The following DLC1 variants were observed in gnomAD, a reference collection of about 807,000 sequenced individuals.
DLC1 encodes the protein rho GTPase-activating protein 7.
Under a neutral mutation model 140.3 loss-of-function variants are expected in DLC1, and 54 were observed. The ratio of observed to expected loss-of-function variants is 0.38; its 90% CI spans 0.31 to 0.48. The LOEUF (loss-of-function observed/expected upper bound fraction) is 0.48, where lower values mean the gene tolerates loss of function less well. Among genes scored for constraint, DLC1 ranks in the 20% least tolerant of loss-of-function variants. The pLI, the probability that DLC1 is intolerant of heterozygous loss-of-function variation, is 0.96. For synonymous variants in DLC1, 986 were observed against 728.1 expected (o/e 1.35, Z -5.70); for missense variants, 2,536 against 1,907.0 (o/e 1.33, Z -6.14).
intron 5 of DLC1, among the ~76,000 whole-genome samples, chr8:13,228,159 C>A (rs1828880037): frequency 6.6e-6 from 1 of 152,044 alleles, no homozygotes; most frequent in East Asian, 1.9e-4. Flanking sequence ...GCTTTACTAA[C>A]TAAGCTCTTG....
rs191347157 is a variant in DLC1, at chr8:13,555,744, C to A, written c.-126+48793G>T. On this transcript the variant is annotated intron_variant, in intron 1 of 1. Transcript: ENST00000631382. ...CTCAAACTCCTGGCCTCAAGTGATC[C>A]TCTCCGCTTGGCCTCCCAAAGTGCT... Among the ~76,000 whole-genome samples, 23 of 152,030 alleles carry A rather than the reference C, an allele frequency of 1.5e-4. No homozygotes were observed. In the East Asian group the frequency reaches 4.5e-3, roughly 29 times the overall value.
intron 4 of DLC1, among the ~76,000 whole-genome samples, chr8:13,387,084 A>G (rs1003518235): frequency 6.6e-6 from 1 of 152,068 alleles, no homozygotes; most frequent in Non-Finnish European, 1.5e-5. Context: ...GAAGTTGTCT[A>G]AACTTCCCTT....
chr8:13,423,771 T>C (rs889928460), intron 2 of DLC1, among the ~76,000 whole-genome samples: 13 of 152,134 alleles, frequency 8.5e-5, no homozygotes, highest in East Asian at 5.8e-4. Context: ...TTTTAACAGA[T>C]CCTGTCACCA....
In DLC1 at chr8:13,085,592, TGC is replaced by T; in HGVS notation, c.*217_*218del. ...TACACATAAATTTTTTTTTTTTTTT[TGC>T]ACAGTCTTACATATTCCAGTCAAGG... On this transcript the variant is annotated 3_prime_UTR_variant, in exon 18 of 18. Transcript: ENST00000276297. The T allele has an allele frequency of 4.4e-6, 2 of 452,366 alleles. No individual in the cohort carries two copies. Among genetic ancestry groups the T allele is most frequent in the Non-Finnish European group, 3.5e-6 (1 of 285,576 alleles). The allele number at this position is 452,366 out of a possible 1,614,324, so 28.0% of individuals were successfully genotyped here.
chr8:13,185,283 G>GTTTTTTT (rs113333274), intron 5 of DLC1, among the ~76,000 whole-genome samples: 8 of 130,832 alleles, frequency 6.1e-5, no homozygotes, highest in African/African-American at 1.7e-4. Context: ...TGTCTTTTCT[G>GTTTTTTT]TTTTTTTTGT....
chr8:13,553,228 G>GTATATATATATATATATATATATGTA (rs1803926388), intron 1 of DLC1, among the ~76,000 whole-genome samples: 2 of 47,478 alleles, frequency 4.2e-5, no homozygotes, highest in Non-Finnish European at 8.6e-5. Context: ...ATATATATAT[G>GTATATATATATATATATATATATGTA]TATATATATA....
chr8:13,461,457 G>A (rs1563367628), intron 2 of DLC1, among the ~76,000 whole-genome samples: 1 of 152,132 alleles, frequency 6.6e-6, no homozygotes, highest in South Asian at 2.1e-4. Context: ...TCCTTGCCCT[G>A]CCAAGGGCAG....
chr8:13,264,616 C>T (rs755823685), intron 5 of DLC1, among the ~76,000 whole-genome samples: 3 of 151,970 alleles, frequency 2.0e-5, no homozygotes, highest in Non-Finnish European at 4.4e-5. Flanking sequence ...GGAAATATGA[C>T]CCAGGAGGGG....
In DLC1 at chr8:13,090,324, T is replaced by C; in HGVS notation, c.4002A>G (p.Lys1334=). 3 of 1,614,204 alleles carry C rather than the reference T, an allele frequency of 1.9e-6. No individual in the cohort carries two copies. The highest frequency in any genetic ancestry group is 1.1e-5 in the South Asian group (1 of 91,088). Residue 1334 remains lysine, a synonymous_variant, in exon 15 of 18, where the codon AAA becomes AAG. Coordinates refer to ENST00000276297, the MANE Select transcript of DLC1 (RefSeq NM_182643.3). ...AGCCTTTAAACTTCTCTTTGACTTC[T>C]TTAAACAGGCCATCCACACAGTCCT... The part of the protein sequence containing the change: ...FLQDCVDGLF[K]EVKEKFKGWV...
chr8:13,402,960 T>A (rs1481117203), intron 2 of DLC1, among the ~76,000 whole-genome samples: 1 of 152,176 alleles, frequency 6.6e-6, no homozygotes, highest in Non-Finnish European at 1.5e-5. Context: ...GTCGGATAAT[T>A]GGTTAATCAG....
At chr8:13,524,477 TA>T (rs993794565) in intron 1 of DLC1, among the ~76,000 whole-genome samples, 13 of 152,162 alleles carry the variant, frequency 8.5e-5, no homozygotes, top group African/African-American at 3.1e-4. Flanking sequence ...CTATGTATTT[TA>T]AAATTTGTAC....
At chr8:13,244,977 A>T (rs953686135) in intron 5 of DLC1, among the ~76,000 whole-genome samples, 1 of 152,198 alleles carries the variant, frequency 6.6e-6, no homozygotes, top group Non-Finnish European at 1.5e-5. Context: ...ATTCTTTGAC[A>T]TAACTTCCTT....
At chr8:13,337,277 A>G (rs542400949) in intron 4 of DLC1, among the ~76,000 whole-genome samples, 1 of 152,282 alleles carries the variant, frequency 6.6e-6, no homozygotes, top group South Asian at 2.1e-4. Context: ...TTTCTGAGTT[A>G]GTAAAGATAT....
intron 4 of DLC1, among the ~76,000 whole-genome samples, chr8:13,356,775 A>T (rs946309339): frequency 1.3e-5 from 2 of 152,152 alleles, no homozygotes; most frequent in African/African-American, 4.8e-5. Context: ...AATAACAGGA[A>T]TTGGGGTCTC....
intron 1 of DLC1, among the ~76,000 whole-genome samples, chr8:13,534,649 C>T (rs568007264): frequency 6.6e-6 from 1 of 152,234 alleles, no homozygotes; most frequent in East Asian, 1.9e-4. Context: ...TCCTGCTGAC[C>T]AGGCACTGAA....
intron 4 of DLC1, among the ~76,000 whole-genome samples, chr8:13,344,434 A>C (rs1586172822): frequency 6.6e-6 from 1 of 152,234 alleles, no homozygotes. Flanking sequence ...TGGAGGTTGC[A>C]GTGAGCCGAG....
intron 5 of DLC1, among the ~76,000 whole-genome samples, chr8:13,127,346 C>T (rs895220509): frequency 4.6e-5 from 7 of 152,312 alleles, no homozygotes; most frequent in Admixed American, 3.9e-4. Context: ...GTCACTGAAC[C>T]TCTCTGCATC....
chr8:13,251,279 A>T (rs1829992923), intron 5 of DLC1, among the ~76,000 whole-genome samples: 1 of 152,146 alleles, frequency 6.6e-6, no homozygotes, highest in Non-Finnish European at 1.5e-5. Context: ...TCGGGGTTAG[A>T]GCTTTAACAT....
intron 4 of DLC1, chr8:13,342,683 T>C (rs1250584004): frequency 1.3e-5 from 2 of 152,712 alleles, no homozygotes; most frequent in African/African-American, 4.8e-5. Flanking sequence ...CCAGGCTGAC[T>C]GCTTGCTTTA....
Sources: allele counts gnomAD v4.1 joint callset (sites outside exome capture counted in the v4.1 genomes callset), GRCh38; gene constraint gnomAD v4.1.1; transcripts MANE v1.5; gene names NCBI Gene and HGNC (gene_info 2026-07-23, HGNC 2026-07-21).